SYT16: variants seen among roughly 807,000 people sequenced by gnomAD.
SYT16 encodes the protein synaptotagmin 16.
A neutral mutation model predicts 61.4 loss-of-function variants in SYT16; 42 were observed. The observed-to-expected ratio is 0.68, with a 90% CI of 0.53 to 0.89. The LOEUF (loss-of-function observed/expected upper bound fraction) is 0.89, where lower values mean the gene tolerates loss of function less well. Ranked by LOEUF, SYT16 falls within the 40% of genes least tolerant of loss-of-function variation. SYT16 has a pLI of 0.00. For synonymous variants in SYT16, 314 were observed against 302.3 expected (o/e 1.04, Z -0.40); for missense variants, 804 against 807.3 (o/e 1.00, Z 0.05).
chr14:61,972,283 G>T (rs894641926), intron 2 of SYT16, among the ~76,000 whole-genome samples: 7 of 152,178 alleles, frequency 4.6e-5, no homozygotes, highest in Non-Finnish European at 8.8e-5. Flanking sequence ...AACTATAATG[G>T]TTATGAGGAA....
chr14:62,004,272 G>A (rs764446235), intron 3 of SYT16, among the ~76,000 whole-genome samples: 27 of 152,104 alleles, frequency 1.8e-4, no homozygotes, highest in Non-Finnish European at 1.8e-4. Flanking sequence ...GCGCACAAGC[G>A]AGAGTGAGCA....
chr14:61,837,671 G>C (rs1370532813), intron 1 of SYT16, among the ~76,000 whole-genome samples: 4 of 152,082 alleles, frequency 2.6e-5, no homozygotes, highest in Admixed American at 2.6e-4. Context: ...AAGTCCTCTA[G>C]ATACAGGCTT....
At chr14:62,013,972 A>G (rs1259139449) in intron 3 of SYT16, among the ~76,000 whole-genome samples, 1 of 152,086 alleles carries the variant, frequency 6.6e-6, no homozygotes, top group East Asian at 1.9e-4. Flanking sequence ...TCAAAAAAAA[A>G]AAAAAATTGT....
chr14:62,098,725 T>C (rs2057342539), intron 7 of SYT16, among the ~76,000 whole-genome samples: 1 of 152,198 alleles, frequency 6.6e-6, no homozygotes. Flanking sequence ...AGGAAATCCC[T>C]CTCTTTACCA....
chr14:61,941,302 G>A (rs1254845), intron 1 of SYT16, among the ~76,000 whole-genome samples: 35,879 of 152,004 alleles, frequency 0.24, 4,997 homozygotes, highest in South Asian at 0.37. Context: ...GACTCCAAGG[G>A]CTCAGATTCA....
At chr14:62,082,100 C>T (rs1440394626) in intron 6 of SYT16, among the ~76,000 whole-genome samples, 1 of 152,066 alleles carries the variant, frequency 6.6e-6, no homozygotes, top group Non-Finnish European at 1.5e-5. Context: ...GGTGATAAAA[C>T]GCCGGAACTC....
At chr14:61,924,317 A>T (rs2049453107) in intron 1 of SYT16, among the ~76,000 whole-genome samples, 2 of 152,220 alleles carry the variant, frequency 1.3e-5, no homozygotes, top group South Asian at 4.1e-4. Context: ...TGGAGCCAAG[A>T]TAATCCCTGG....
intron 1 of SYT16, among the ~76,000 whole-genome samples, chr14:61,906,783 G>GTCCA (rs1479598472): frequency 3.4e-3 from 196 of 57,748 alleles, no homozygotes; most frequent in African/African-American, 0.01. Context: ...CCATCCGTCC[G>GTCCA]TCCGTCCATC....
At chr14:62,010,676 A>G (rs2053410785) in intron 3 of SYT16, among the ~76,000 whole-genome samples, 1 of 152,164 alleles carries the variant, frequency 6.6e-6, no homozygotes, top group Non-Finnish European at 1.5e-5. Flanking sequence ...ATTGCTGTTC[A>G]TGGAAGGACT....
intron 1 of SYT16, among the ~76,000 whole-genome samples, chr14:61,832,890 A>G (rs570134699): frequency 2.6e-5 from 4 of 152,216 alleles, no homozygotes; most frequent in Non-Finnish European, 4.4e-5. Context: ...TTCCTTCACT[A>G]TGGTTTCTAA....
chr14:62,070,143 C>G (rs966119688), intron 4 of SYT16, among the ~76,000 whole-genome samples: 3 of 152,088 alleles, frequency 2.0e-5, no homozygotes, highest in Non-Finnish European at 4.4e-5. Flanking sequence ...TTGATAGATA[C>G]GAAAATGTCA....
intron 1 of SYT16, among the ~76,000 whole-genome samples, chr14:61,909,709 A>G (rs1046154040): frequency 5.3e-5 from 8 of 152,204 alleles, no homozygotes; most frequent in Non-Finnish European, 1.2e-4. Context: ...CCACCATTCA[A>G]CGTACCACAC....
At chr14:61,966,481 A>T (rs1270428089) in intron 1 of SYT16, among the ~76,000 whole-genome samples, 1 of 152,102 alleles carries the variant, frequency 6.6e-6, no homozygotes, top group East Asian at 1.9e-4. Flanking sequence ...CTTATTTAAA[A>T]ATAATTAAAA....
At chr14:62,072,116 T>C (rs1206629217) in intron 4 of SYT16, among the ~76,000 whole-genome samples, 1 of 152,240 alleles carries the variant, frequency 6.6e-6, no homozygotes, top group Non-Finnish European at 1.5e-5. Context: ...TGTAGAATAA[T>C]AGTCCATTTC....
At chr14:62,059,705 TATA>T (rs2055736567) in intron 3 of SYT16, among the ~76,000 whole-genome samples, 2 of 125,818 alleles carry the variant, frequency 1.6e-5, no homozygotes, top group South Asian at 4.6e-4. Flanking sequence ...TATATATACA[TATA>T]ATTTTTATAT....
intron 3 of SYT16, among the ~76,000 whole-genome samples, chr14:62,067,603 T>G (rs935707292): frequency 1.3e-5 from 2 of 152,092 alleles, no homozygotes; most frequent in African/African-American, 4.8e-5. Context: ...ACAAAAGACA[T>G]CGTGTGTTGG....
At chr14:62,013,813 A>T (rs1198674404) in intron 3 of SYT16, among the ~76,000 whole-genome samples, 1 of 152,118 alleles carries the variant, frequency 6.6e-6, no homozygotes, top group South Asian at 2.1e-4. Flanking sequence ...AAAGCAAAAA[A>T]ATTAGGTGGG....
intron 3 of SYT16, among the ~76,000 whole-genome samples, chr14:62,038,371 A>G (rs2054591801): frequency 6.6e-6 from 1 of 151,742 alleles, no homozygotes; most frequent in African/African-American, 2.4e-5. Context: ...GGGTGCCTGC[A>G]AGATTAATCT....
chr14:61,825,786 G>T (rs2045754253), intron 1 of SYT16, among the ~76,000 whole-genome samples: 1 of 152,080 alleles, frequency 6.6e-6, no homozygotes, highest in Non-Finnish European at 1.5e-5. Flanking sequence ...ATTAAACATG[G>T]AAATAAATGT....
Sources: gnomAD v4.1 joint callset for allele counts (sites outside exome capture counted in the v4.1 genomes callset) on GRCh38, gnomAD v4.1.1 for gene constraint, MANE v1.5 for transcripts, NCBI Gene and HGNC (gene_info 2026-07-23, HGNC 2026-07-21) for gene names.